Variants in DPF3 observed in about 807,000 individuals in gnomAD.
The protein encoded by DPF3 is double PHD fingers 3.
Under a neutral mutation model 56.8 loss-of-function variants are expected in DPF3, and 18 were observed. That is an observed-to-expected ratio of 0.32 (90% CI 0.22 to 0.47). DPF3 has a LOEUF of 0.47. DPF3 is among the 20% of genes least tolerant of loss of function. DPF3 has a pLI of 1.00. For missense variants in DPF3, 403 were observed against 488.8 expected (o/e 0.82, Z 1.65); for synonymous variants, 188 against 180.2 (o/e 1.04, Z -0.35).
intron 6 of DPF3, among the ~76,000 whole-genome samples, chr14:72,702,060 G>T (rs536855381): frequency 6.6e-6 from 1 of 152,314 alleles, no homozygotes; most frequent in African/African-American, 2.4e-5. Flanking sequence ...GAGTCTGGGG[G>T]AGTTTAAGCA....
At chr14:72,727,344 G>A (rs908117116) in intron 4 of DPF3, among the ~76,000 whole-genome samples, 2 of 152,160 alleles carry the variant, frequency 1.3e-5, no homozygotes, top group Admixed American at 6.5e-5. Context: ...TTGGGAGGCC[G>A]AGGCAGGCGG....
At chr14:72,796,656 T>G (rs1218113003) in intron 1 of DPF3, among the ~76,000 whole-genome samples, 1 of 152,182 alleles carries the variant, frequency 6.6e-6, no homozygotes, top group African/African-American at 2.4e-5. Context: ...GTGCATTAAT[T>G]CATTGAATCC....
chr14:72,750,178 T>C (rs1335107601), intron 3 of DPF3, among the ~76,000 whole-genome samples: 7 of 152,198 alleles, frequency 4.6e-5, no homozygotes, highest in Non-Finnish European at 8.8e-5. Context: ...TACCTATCAA[T>C]AGTATGAGGA....
At chr14:72,692,354 A>T (rs1887726202) in intron 7 of DPF3, among the ~76,000 whole-genome samples, 1 of 152,188 alleles carries the variant, frequency 6.6e-6, no homozygotes, top group Admixed American at 6.5e-5. Context: ...AGGCCCAGAG[A>T]CCATAAGGGA....
intron 8 of DPF3, among the ~76,000 whole-genome samples, chr14:72,650,897 G>A (rs1042022638): frequency 3.3e-5 from 5 of 152,072 alleles, no homozygotes; most frequent in African/African-American, 9.7e-5. Flanking sequence ...CACTGATGTC[G>A]CTCCAGTGGC....
At chr14:72,821,781 G>A (rs879802359) in intron 1 of DPF3, among the ~76,000 whole-genome samples, 1 of 152,174 alleles carries the variant, frequency 6.6e-6, no homozygotes, top group Admixed American at 6.5e-5. Context: ...CAAGGCAGGA[G>A]GACTGCTTGA....
chr14:72,736,175 C>T (rs981177549), intron 3 of DPF3, among the ~76,000 whole-genome samples: 1 of 152,280 alleles, frequency 6.6e-6, no homozygotes, highest in Admixed American at 6.5e-5. Flanking sequence ...GATATTGTAT[C>T]CGATCTGGTA....
At chr14:72,662,031 C>T (rs1886238124) in intron 8 of DPF3, 1 of 984,854 alleles carries the variant, frequency 1.0e-6, no homozygotes, top group South Asian at 4.7e-5. Context: ...AAGGGGCTTG[C>T]CTGGGGTGAG....
chr14:72,821,671 A>C (rs2140035300), intron 1 of DPF3, among the ~76,000 whole-genome samples: 1 of 152,306 alleles, frequency 6.6e-6, no homozygotes, highest in South Asian at 2.1e-4. Flanking sequence ...AAATTGTTTC[A>C]TTGCAGCAAA....
chr14:72,800,429 C>A (rs1026781429), intron 1 of DPF3, among the ~76,000 whole-genome samples: 1 of 146,564 alleles, frequency 6.8e-6, no homozygotes, highest in Non-Finnish European at 1.5e-5. Flanking sequence ...TGGACGGACA[C>A]ATGGATGGAT....
intron 5 of DPF3, among the ~76,000 whole-genome samples, chr14:72,718,977 A>G (rs1889055217): frequency 6.6e-6 from 1 of 151,250 alleles, no homozygotes; most frequent in South Asian, 2.1e-4. Context: ...TCACACTGTT[A>G]GCCAGGATGG....
chr14:72,707,648 C>T (rs1430478362), intron 6 of DPF3, among the ~76,000 whole-genome samples: 2 of 151,576 alleles, frequency 1.3e-5, no homozygotes, highest in African/African-American at 2.4e-5. Flanking sequence ...TAAAATGGTA[C>T]GTATCATTTC....
rs545502195 is a variant in DPF3 at position 72,714,433 on chromosome 14, G to A, written c.594C>T (p.Tyr198=). ...AASQEDHDKP[Y]VCDICGKRYK... The stretch of plus-strand genomic sequence containing the variant: ...CCGGCCCATACTTACTGTCACAGAC[G>A]TAAGGTTTGTCGTGGTCTTCCTGAG... The change falls in exon 6 of 11, where the codon TAC becomes TAT. Residue 198 remains tyrosine (Y), a synonymous_variant. Transcript: ENST00000556509. The A allele has an allele frequency of 1.6e-5, 26 of 1,613,876 alleles. No individual in the cohort carries two copies. In the East Asian group the frequency reaches 1.8e-4, roughly 11 times the overall value.
Position 72,612,343 on chromosome 14 carries a change from C to T in DPF3, c.*6954G>A, listed in dbSNP as rs143824663. 14 of 441,528 alleles carry T rather than the reference C, an allele frequency of 3.2e-5. No individual in the cohort carries two copies. In the East Asian group the frequency reaches 4.5e-4, roughly 14 times the overall value. The allele number at this position is 441,528 out of a possible 1,614,324, so 27.4% of individuals were successfully genotyped here. Reference sequence around the variant, plus strand: ...CCTGCCTACCTACCCCGCCTCTCTCCAGCCACCTGCTCCCCACCTCCTCTG... The same window carrying T: ...CCTGCCTACCTACCCCGCCTCTCTCTAGCCACCTGCTCCCCACCTCCTCTG... On this transcript the variant is annotated 3_prime_UTR_variant, in exon 11 of 11. Coordinates refer to ENST00000556509, the MANE Select transcript of DPF3 (RefSeq NM_001280542.3).
Position 72,817,092 on chromosome 14 carries a change from C to G in DPF3, c.33-45199G>C, listed in dbSNP as rs547799321. Reference sequence around the variant, plus strand: ...TGCAAAAGCACCACTCCAATCACCTCTCTCAGAGGCTCACAGCCCCGGGGG... The same window carrying G: ...TGCAAAAGCACCACTCCAATCACCTGTCTCAGAGGCTCACAGCCCCGGGGG... On this transcript the variant is annotated intron_variant, in intron 1 of 10. Transcript: ENST00000556509. 3.9e-5 allele frequency among the ~76,000 whole-genome samples: 6 copies of G among 152,324 alleles called. No homozygotes were observed. In the East Asian group the frequency reaches 1.2e-3, roughly 29 times the overall value.
chr14:72,877,378 C>T (rs985073051), intron 1 of DPF3, among the ~76,000 whole-genome samples: 1 of 152,030 alleles, frequency 6.6e-6, no homozygotes, highest in South Asian at 2.1e-4. Flanking sequence ...GAGGCACACA[C>T]CCAGGACAAT....
chr14:72,739,818 G>T lies in DPF3; in HGVS notation c.302-7884C>A, dbSNP rs138207224. Among the ~76,000 whole-genome samples the T allele has an allele frequency of 3.9e-3, 589 of 152,274 alleles. 5 individuals carry two copies. Among genetic ancestry groups the T allele is most frequent in the African/African-American group, 0.013 (557 of 41,544 alleles). On this transcript the variant is annotated intron_variant, in intron 3 of 10. Coordinates refer to ENST00000556509, the MANE Select transcript of DPF3 (RefSeq NM_001280542.3). ...AATTATCAAGCACCTACTATGTATC[G>T]ACTCTGTTCTAGGTGCTGGGGCAAT...
In DPF3 at chr14:72,842,855, C is replaced by T. The variant is rs146808232; in HGVS notation, c.32+51202G>A. ...TGGCCAACATGGCGAAACCCTGTCT[C>T]TACTAAAAATATAAAAAATTAGCCA... On this transcript the variant is annotated intron_variant, in intron 1 of 10. Coordinates refer to ENST00000556509, the MANE Select transcript of DPF3 (RefSeq NM_001280542.3). 5.0e-3 allele frequency among the ~76,000 whole-genome samples: 765 copies of T among 152,152 alleles called. 5 individuals are homozygous for T. Among genetic ancestry groups the T allele is most frequent in the African/African-American group, 0.017 (712 of 41,524 alleles).
intron 6 of DPF3, among the ~76,000 whole-genome samples, chr14:72,693,711 C>T (rs891858859): frequency 6.6e-6 from 1 of 152,228 alleles, no homozygotes; most frequent in African/African-American, 2.4e-5. Context: ...GACCCAGCAA[C>T]ACCAAGTGAC....
Sources: allele counts gnomAD v4.1 joint callset (sites outside exome capture counted in the v4.1 genomes callset), GRCh38; gene constraint gnomAD v4.1.1; transcripts MANE v1.5; gene names NCBI Gene and HGNC (gene_info 2026-07-23, HGNC 2026-07-21).